The following CLIC4 variants were observed in gnomAD, a reference collection of about 807,000 sequenced individuals.
The protein encoded by CLIC4 is chloride intracellular channel protein 4.
In CLIC4, 13 loss-of-function variants were observed where a neutral mutation model predicts 24.6. The ratio of observed to expected loss-of-function variants is 0.53; its 90% CI spans 0.34 to 0.84. The LOEUF (loss-of-function observed/expected upper bound fraction) is 0.84, where lower values mean the gene tolerates loss of function less well. CLIC4 is among the 40% of genes least tolerant of loss of function. The pLI, the probability that CLIC4 is intolerant of heterozygous loss-of-function variation, is 0.01. For missense variants in CLIC4, 227 were observed against 301.7 expected, an observed-to-expected ratio of 0.75 and a Z score of 1.83; for synonymous variants, 104 against 111.3, an observed-to-expected ratio of 0.93 and a Z score of 0.41.
At chr1:24,775,237 T>C (rs1162012516) in intron 1 of CLIC4, among the ~76,000 whole-genome samples, 1 of 147,372 alleles carries the variant, frequency 6.8e-6, no homozygotes, top group Non-Finnish European at 1.5e-5. Context: ...TTTTTTTTTT[T>C]TTTTTTTGCT....
intron 1 of CLIC4, among the ~76,000 whole-genome samples, chr1:24,759,313 T>C (rs554158774): frequency 1.2e-4 from 19 of 152,284 alleles, no homozygotes; most frequent in African/African-American, 4.3e-4. Context: ...TTGAATACTT[T>C]CCATGCACTA....
chr1:24,798,915 G>T (rs939648120), intron 2 of CLIC4, among the ~76,000 whole-genome samples: 9 of 152,390 alleles, frequency 5.9e-5, no homozygotes, highest in African/African-American at 2.2e-4. Context: ...CCGAGGTGCC[G>T]GGATTGCAGA....
intron 1 of CLIC4, among the ~76,000 whole-genome samples, chr1:24,785,447 G>A (rs1639255602): frequency 6.6e-6 from 1 of 152,180 alleles, no homozygotes. Flanking sequence ...TTCAAACCTA[G>A]GTATGTGTGA....
chr1:24,820,099 A>G (rs12730371), intron 3 of CLIC4, among the ~76,000 whole-genome samples: 1 of 95,904 alleles, frequency 1.0e-5, no homozygotes, highest in Non-Finnish European at 2.2e-5. Flanking sequence ...ATATATATAG[A>G]CAGTATCTTG....
intron 1 of CLIC4, among the ~76,000 whole-genome samples, chr1:24,789,778 C>T (rs974404169): frequency 3.3e-5 from 5 of 151,694 alleles, no homozygotes; most frequent in Non-Finnish European, 5.9e-5. Flanking sequence ...TTCTGACATA[C>T]ATCTTCTATT....
intron 2 of CLIC4, among the ~76,000 whole-genome samples, chr1:24,804,913 A>G (rs554541661): frequency 2.6e-5 from 4 of 151,978 alleles, no homozygotes; most frequent in East Asian, 1.9e-4. Context: ...CACCCTGGCC[A>G]ACATGGTGAA....
At chr1:24,805,464 G>A (rs548251908) in intron 2 of CLIC4, among the ~76,000 whole-genome samples, 1 of 152,044 alleles carries the variant, frequency 6.6e-6, no homozygotes, top group Non-Finnish European at 1.5e-5. Context: ...CTTTTGTGAG[G>A]TTTTTTGTTG....
At chr1:24,755,963 A>G (rs1352279760) in intron 1 of CLIC4, among the ~76,000 whole-genome samples, 1 of 146,286 alleles carries the variant, frequency 6.8e-6, no homozygotes, top group African/African-American at 2.5e-5. Flanking sequence ...CTGGGACTAC[A>G]GGCACGCACC....
In CLIC4 at chr1:24,745,498, G is replaced by T. The variant is rs1001473453; in HGVS notation, c.-56G>T. 2.0e-6 allele frequency: 3 copies of T among 1,500,426 alleles called. No homozygotes were observed. Among genetic ancestry groups the T allele is most frequent in the Non-Finnish European group, 2.7e-6 (3 of 1,109,376 alleles). 92.9% of individuals were successfully genotyped at this position (1,500,426 alleles called of 1,614,324 possible). On this transcript the variant is annotated 5_prime_UTR_variant, in exon 1 of 6. Transcript: ENST00000374379. ...CGGCAGCCGGAGCAGTCCCGGAGCA[G>T]AAGCAGCAGCAGCAGCAGCAGCCCT...
At chr1:24,753,022 A>G (rs1202348496) in intron 1 of CLIC4, among the ~76,000 whole-genome samples, 2 of 152,148 alleles carry the variant, frequency 1.3e-5, no homozygotes, top group East Asian at 3.9e-4. Flanking sequence ...CGCCCAGCCT[A>G]ATAGTATATT....
intron 2 of CLIC4, among the ~76,000 whole-genome samples, chr1:24,803,637 C>T (rs904640041): frequency 1.3e-5 from 2 of 152,182 alleles, no homozygotes; most frequent in African/African-American, 4.8e-5. Flanking sequence ...AAAAAGGGCC[C>T]AGGCTTCACA....
At chr1:24,812,388 A>G (rs1639622967) in intron 2 of CLIC4, among the ~76,000 whole-genome samples, 1 of 152,166 alleles carries the variant, frequency 6.6e-6, no homozygotes, top group Non-Finnish European at 1.5e-5. Context: ...AATCTTTTGA[A>G]GTTGAAGATG....
intron 3 of CLIC4, among the ~76,000 whole-genome samples, chr1:24,822,306 AC>A (rs1174305820): frequency 6.7e-6 from 1 of 149,170 alleles, no homozygotes; most frequent in African/African-American, 2.5e-5. Flanking sequence ...AACAAGTGGG[AC>A]CAAAGGTGGT....
intron 1 of CLIC4, among the ~76,000 whole-genome samples, chr1:24,775,109 C>T (rs973430126): frequency 2.6e-5 from 4 of 151,440 alleles, no homozygotes; most frequent in African/African-American, 9.7e-5. Context: ...GTTTTCTGGC[C>T]TCCATTACTC....
intron 2 of CLIC4, among the ~76,000 whole-genome samples, chr1:24,800,665 C>T (rs1639477194): frequency 6.6e-6 from 1 of 152,134 alleles, no homozygotes; most frequent in Non-Finnish European, 1.5e-5. Flanking sequence ...CGGATGGTTG[C>T]CGTGTCTGTG....
Position 24,843,264 on chromosome 1 carries a change from G to A in CLIC4, c.*2327G>A, listed in dbSNP as rs1639960929. The A allele has an allele frequency of 6.6e-6, 1 of 152,166 alleles. No individual in the cohort carries two copies. Among genetic ancestry groups the A allele is most frequent in the Admixed American group, 6.5e-5 (1 of 15,278 alleles). The allele number at this position is 152,166 out of a possible 1,614,324, so 9.4% of individuals were successfully genotyped here. On this transcript the variant is annotated 3_prime_UTR_variant, in exon 6 of 6. Coordinates refer to ENST00000374379, the MANE Select transcript of CLIC4 (RefSeq NM_013943.3). ...TGGACAAAAGCTAGCTAGTAAAAAG[G>A]ACGACCCAGCAACATGCTTTAACCC...
intron 1 of CLIC4, among the ~76,000 whole-genome samples, chr1:24,784,115 G>A (rs1374581882): frequency 6.8e-6 from 1 of 147,112 alleles, no homozygotes; most frequent in Admixed American, 6.9e-5. Flanking sequence ...ATTTTCATAT[G>A]TTTTTGATGG....
At chr1:24,770,723 ATTCTTC>A (rs148709497) in intron 1 of CLIC4, among the ~76,000 whole-genome samples, 3 of 149,900 alleles carry the variant, frequency 2.0e-5, no homozygotes, top group Admixed American at 1.3e-4. Context: ...CCTCACACCA[ATTCTTC>A]TTCTTTTTTT....
chr1:24,838,055 C>G (rs1012973476), intron 4 of CLIC4, among the ~76,000 whole-genome samples: 3 of 152,150 alleles, frequency 2.0e-5, no homozygotes, highest in Admixed American at 6.5e-5. Context: ...ACAGGCACCT[C>G]AAACTCAGCA....
Sources: allele counts gnomAD v4.1 joint callset (sites outside exome capture counted in the v4.1 genomes callset), GRCh38; gene constraint gnomAD v4.1.1; transcripts MANE v1.5; gene names NCBI Gene and HGNC (gene_info 2026-07-23, HGNC 2026-07-21).